Variants in LRRK2 observed in about 807,000 individuals in gnomAD.
LRRK2 encodes leucine-rich repeat serine/threonine-protein kinase 2.
LRRK2 carries 203 observed loss-of-function variants against 302.6 expected under a neutral mutation model. The ratio of observed to expected loss-of-function variants is 0.67; its 90% CI spans 0.60 to 0.75. LRRK2 has a LOEUF of 0.75. Ranked by LOEUF, LRRK2 falls within the 30% of genes least tolerant of loss-of-function variation. The probability of loss-of-function intolerance (pLI) is 0.00; values close to 1 mark genes in which losing one functional copy is unlikely to be tolerated. For synonymous variants in LRRK2, 1,066 were observed against 1,031.9 expected (o/e 1.03, Z -0.63); for missense variants, 2,830 against 2,951.0 (o/e 0.96, Z 0.95).
At chr12:40,245,667 T>C (rs1434894012) in intron 7 of LRRK2, among the ~76,000 whole-genome samples, 1 of 152,156 alleles carries the variant, frequency 6.6e-6, no homozygotes, top group Non-Finnish European at 1.5e-5. Context: ...TTATAATTTC[T>C]TCTATACATG....
At chr12:40,346,998 G>A (rs2136976731) in intron 42 of LRRK2, 75 bp downstream of exon 42, 1 of 1,223,494 alleles carries the variant, frequency 8.2e-7, no homozygotes, top group Non-Finnish European at 1.2e-6. Context: ...AATTGTAGTT[G>A]TATGCTTAAT....
chr12:40,227,511 G>A (rs968310987), intron 2 of LRRK2, among the ~76,000 whole-genome samples: 2 of 151,896 alleles, frequency 1.3e-5, no homozygotes, highest in Non-Finnish European at 2.9e-5. Flanking sequence ...CTTCCTCCAT[G>A]AGATCCACCT....
chr12:40,263,659 A>G (rs1942877504), intron 13 of LRRK2, 130 bp from the exon 14 acceptor site: 5 of 586,350 alleles, frequency 8.5e-6, no homozygotes, highest in Admixed American at 3.1e-5. Flanking sequence ...TGATAAGGAA[A>G]CATGTACTAG....
At chr12:40,365,908 A>C (rs1946865105) in intron 49 of LRRK2, 1 of 151,976 alleles carries the variant, frequency 6.6e-6, no homozygotes, top group Admixed American at 6.6e-5. Context: ...ATACATGTCC[A>C]CACAAGCAGA....
chr12:40,251,369 G>A lies in LRRK2; in HGVS notation c.1096G>A (p.Val366Met), dbSNP rs113065049. The A allele has an allele frequency of 1.1e-5, 17 of 1,613,848 alleles. No homozygotes were observed. The highest frequency in any genetic ancestry group is 4.5e-5 in the East Asian group (2 of 44,846). Residue 366 changes from valine (V) to methionine (M), a missense_variant, in exon 9 of 51, where the codon GTG becomes ATG. Val to Met is a conservative substitution (Grantham distance 21). This residue lies in a region of LRRK2 where 2,121 missense variants were observed against 2,148.0 expected (regional missense o/e 0.99). Coordinates refer to ENST00000298910, the MANE Select transcript of LRRK2 (RefSeq NM_198578.4). Reference protein sequence around the residue: ...ALTWHRKNKHVQEAACWALNN... With the variant: ...ALTWHRKNKHMQEAACWALNN... ...AACGTGGCATAGAAAGAACAAGCAC[G>A]TGCAGGTAGGACTCTCATAAATATT...
Position 40,357,584 on chromosome 12 carries a change from T to C in LRRK2, c.6843+1397T>C, listed in dbSNP as rs577270542. Among the ~76,000 whole-genome samples the C allele has an allele frequency of 3.0e-4, 46 of 152,328 alleles. 1 individual carries two copies. The South Asian group carries it at 6.8e-3, about 23-fold the overall frequency. ...AATAGCATATGGGCATTCGTTTTTT[T>C]CCGCATCCTTGCCAGCATGTTATTT... On this transcript the variant is annotated intron_variant, in intron 46 of 50. Coordinates refer to ENST00000298910, the MANE Select transcript of LRRK2 (RefSeq NM_198578.4).
intron 45 of LRRK2, 39 bp downstream of exon 45, chr12:40,354,531 C>CTT: frequency 6.5e-7 from 1 of 1,546,696 alleles, no homozygotes; most frequent in South Asian, 1.1e-5. Flanking sequence ...AATTACAGAT[C>CTT]TTTTAAACGA....
Position 40,225,550 on chromosome 12 carries a change from T to G in LRRK2, c.152-5T>G. The G allele has an allele frequency of 6.2e-7, 1 of 1,613,160 alleles. No individual in the cohort carries two copies. Among genetic ancestry groups the G allele is most frequent in the Non-Finnish European group, 8.5e-7 (1 of 1,179,098 alleles). ...GCTTCTTTTCCCCACCCACTTGTTT[T>G]CCAGCCTCCAAGTTATTTCAAGGCA... On this transcript the variant is annotated splice_region_variant and splice_polypyrimidine_tract_variant and intron_variant, in intron 1 of 50. Transcript: ENST00000298910.
At chr12:40,283,800 A>C in intron 18 of LRRK2, 75 bp from the exon 19 acceptor site, 1 of 1,287,876 alleles carries the variant, frequency 7.8e-7, no homozygotes, top group East Asian at 2.5e-5. Context: ...AAATCACATG[A>C]AGTTTGATTT....
Position 40,299,093 on chromosome 12 carries a change from T to G in LRRK2, c.3348-16T>G. 1 of 1,611,014 alleles carries G rather than the reference T, an allele frequency of 6.2e-7. No homozygotes were observed. Among genetic ancestry groups the G allele is most frequent in the Non-Finnish European group, 8.5e-7 (1 of 1,178,152 alleles). On this transcript the variant is annotated splice_polypyrimidine_tract_variant and intron_variant, in intron 24 of 50. Coordinates refer to ENST00000298910, the MANE Select transcript of LRRK2 (RefSeq NM_198578.4). Reference sequence around the variant, plus strand: ...AATTTATGCAATTTAATCATTATCTTGTCTCTTGTGACTAGAAATAAAATA... The same window carrying G: ...AATTTATGCAATTTAATCATTATCTGGTCTCTTGTGACTAGAAATAAAATA...
At chr12:40,349,072 A>C (rs1370185788) in intron 43 of LRRK2, among the ~76,000 whole-genome samples, 1 of 152,026 alleles carries the variant, frequency 6.6e-6, no homozygotes, top group Non-Finnish European at 1.5e-5. Context: ...GCTTTTGACA[A>C]GATTTTAATC....
chr12:40,283,720 T>G (rs528065221), intron 18 of LRRK2, among the ~76,000 whole-genome samples, 155 bp from the exon 19 acceptor site: 2 of 152,336 alleles, frequency 1.3e-5, no homozygotes, highest in South Asian at 4.1e-4. Context: ...CATCTTATTT[T>G]CCCAATCTAT....
intron 5 of LRRK2, 105 bp downstream of exon 5, chr12:40,238,208 C>A: frequency 1.7e-6 from 2 of 1,189,128 alleles, no homozygotes; most frequent in Non-Finnish European, 2.4e-6. Context: ...TAAAATCCTA[C>A]TATTTATTAA....
chr12:40,260,715 C>T (rs888514089), intron 13 of LRRK2, among the ~76,000 whole-genome samples: 1 of 152,044 alleles, frequency 6.6e-6, no homozygotes, highest in Non-Finnish European at 1.5e-5. Context: ...AGACTAGATA[C>T]AAGGAGATTG....
Position 40,309,182 on chromosome 12 carries a change from C to CA in LRRK2, c.4268dup (p.Gln1425ThrfsTer3). On this transcript the variant is annotated frameshift_variant, in exon 30 of 51. Coordinates refer to ENST00000298910, the MANE Select transcript of LRRK2 (RefSeq NM_198578.4). LOFTEE classifies it high-confidence loss of function. Reference sequence around the variant, plus strand: ...TGTACCTTGCTGTCTATGACCTCAGCAAGGGACAGGCTGAAGTTGATGCCA... The same window carrying CA: ...TGTACCTTGCTGTCTATGACCTCAGCAAAGGGACAGGCTGAAGTTGATGCCA... 1 of 1,613,856 alleles carries CA rather than the reference C, an allele frequency of 6.2e-7. No individual in the cohort carries two copies. The highest frequency in any genetic ancestry group is 8.5e-7 in the Non-Finnish European group (1 of 1,179,920).
chr12:40,354,170 C>T (rs893664937), intron 44 of LRRK2, 129 bp from the exon 45 acceptor site: 3 of 735,680 alleles, frequency 4.1e-6, no homozygotes, highest in Non-Finnish European at 6.6e-6. Context: ...ATAAAATTGG[C>T]ATTGTTTTTA....
At position 40,225,276 on chromosome 12, in the gene LRRK2, G is replaced by C. The variant is rs781237537; in HGVS notation, c.145G>C (p.Glu49Gln). Residue 49 changes from glutamate (E) to glutamine (Q), a missense_variant, in exon 1 of 51, where the codon GAG becomes CAG. Physicochemically the swap from Glu to Gln is conservative, Grantham distance 29 (BLOSUM62 2). Coordinates refer to ENST00000298910, the MANE Select transcript of LRRK2 (RefSeq NM_198578.4). ...LEDLLVFTYS[E>Q]RASKLFQGKN... The stretch of plus-strand genomic sequence containing the variant: ...GGATCTGCTGGTGTTCACGTACTCC[G>C]AGCGCGGTAATCACTTGAAAATAAA... The C allele has an allele frequency of 2.0e-5, 33 of 1,613,960 alleles. No homozygotes were observed. Among genetic ancestry groups the C allele is most frequent in the Non-Finnish European group, 2.7e-5 (32 of 1,180,000 alleles).
At chr12:40,318,640 G>A (rs988071827) in intron 33 of LRRK2, among the ~76,000 whole-genome samples, 9 of 152,050 alleles carry the variant, frequency 5.9e-5, no homozygotes, top group South Asian at 2.1e-4. Flanking sequence ...ACATTCATAG[G>A]GCTGATATTC....
chr12:40,279,750 C>T (rs1031090511), intron 18 of LRRK2, among the ~76,000 whole-genome samples: 1 of 152,182 alleles, frequency 6.6e-6, no homozygotes, highest in African/African-American at 2.4e-5. Flanking sequence ...TTTTGGACTT[C>T]ATATGCTTAG....
Sources: gnomAD v4.1 joint callset for allele counts (sites outside exome capture counted in the v4.1 genomes callset) on GRCh38, gnomAD v4.1.1 for gene constraint, gnomAD v4.1.1 regional missense constraint, MANE v1.5 for transcripts, NCBI Gene and HGNC (gene_info 2026-07-23, HGNC 2026-07-21) for gene names.